The following CCDC102B variants were observed in gnomAD, a reference collection of about 807,000 sequenced individuals.
The protein encoded by CCDC102B is coiled-coil domain-containing protein 102B.
In CCDC102B, 75 loss-of-function variants were observed where a neutral mutation model predicts 57.4. That is an observed-to-expected ratio of 1.31 (90% confidence interval 1.08 to 1.58). The LOEUF (loss-of-function observed/expected upper bound fraction) is 1.58. Among genes scored for constraint, CCDC102B ranks in the 40% most tolerant of loss-of-function variants. The pLI is 0.00. For synonymous variants in CCDC102B, 206 were observed against 201.9 expected (o/e 1.02, Z -0.17); for missense variants, 636 against 582.6 (o/e 1.09, Z -0.94).
chr18:68,795,510 C>A (rs531232001), upstream of CCDC102B, among the ~76,000 whole-genome samples: 75 of 152,182 alleles, frequency 4.9e-4, no homozygotes, highest in Middle Eastern at 3.4e-3. Flanking sequence ...CTTTTGAAAG[C>A]CCTAGGGAAG....
chr18:68,723,170 A>T (rs748369990), intron 2 of CCDC102B, among the ~76,000 whole-genome samples: 16 of 152,074 alleles, frequency 1.1e-4, no homozygotes, highest in Non-Finnish European at 2.4e-4. Context: ...ATCTTGTGGG[A>T]ACTCAGTATC....
intron 7 of CCDC102B, among the ~76,000 whole-genome samples, chr18:69,044,520 G>C (rs2052510668): frequency 6.6e-6 from 1 of 152,138 alleles, no homozygotes; most frequent in South Asian, 2.1e-4. Context: ...TATTTGAAAT[G>C]AATAACTCTG....
intron 2 of CCDC102B, among the ~76,000 whole-genome samples, chr18:68,765,996 A>C (rs1451690840): frequency 6.6e-6 from 1 of 152,164 alleles, no homozygotes; most frequent in Non-Finnish European, 1.5e-5. Context: ...AATCCAATTG[A>C]ACAAAATTTT....
At chr18:68,776,042 T>C (rs2034804476) in intron 2 of CCDC102B, among the ~76,000 whole-genome samples, 1 of 152,234 alleles carries the variant, frequency 6.6e-6, no homozygotes, top group South Asian at 2.1e-4. Context: ...CTCTGTTCTC[T>C]GTGTCCATTT....
chr18:68,881,508 G>A (rs1030042374), intron 5 of CCDC102B, among the ~76,000 whole-genome samples: 1 of 152,134 alleles, frequency 6.6e-6, no homozygotes, highest in Non-Finnish European at 1.5e-5. Context: ...GATGTTTCAG[G>A]ATGCAATTAA....
intron 1 of CCDC102B, among the ~76,000 whole-genome samples, chr18:68,800,948 T>A (rs1639935759): frequency 6.6e-6 from 1 of 152,120 alleles, no homozygotes; most frequent in Non-Finnish European, 1.5e-5. Flanking sequence ...TGGGATAACA[T>A]TCATTTTCTT....
chr18:68,997,255 C>G (rs1807509652), intron 6 of CCDC102B, among the ~76,000 whole-genome samples: 2 of 152,158 alleles, frequency 1.3e-5, no homozygotes, highest in Non-Finnish European at 2.9e-5. Context: ...CACACCCACA[C>G]ATACATTTTA....
At chr18:68,761,941 T>C (rs1291898893) in intron 2 of CCDC102B, among the ~76,000 whole-genome samples, 1 of 152,158 alleles carries the variant, frequency 6.6e-6, no homozygotes, top group African/African-American at 2.4e-5. Context: ...TTTCTCTTCT[T>C]CATTTTAAAA....
At chr18:69,002,296 A>G (rs1049244733) in intron 6 of CCDC102B, among the ~76,000 whole-genome samples, 1 of 152,186 alleles carries the variant, frequency 6.6e-6, no homozygotes, top group Non-Finnish European at 1.5e-5. Context: ...TTTTGATACA[A>G]TTGTAGAGGC....
At chr18:68,777,333 G>T (rs771175888) in intron 2 of CCDC102B, among the ~76,000 whole-genome samples, 2 of 152,164 alleles carry the variant, frequency 1.3e-5, no homozygotes, top group Admixed American at 6.5e-5. Context: ...ATGAGGGTCT[G>T]TGCTGTTGGA....
intron 2 of CCDC102B, among the ~76,000 whole-genome samples, chr18:68,778,737 C>G (rs1175853739): frequency 6.6e-6 from 1 of 151,816 alleles, no homozygotes; most frequent in Non-Finnish European, 1.5e-5. Flanking sequence ...GTGCTGGGAA[C>G]TGGGGATAAA....
chr18:69,023,660 A>G (rs1437067853), intron 7 of CCDC102B, among the ~76,000 whole-genome samples: 1 of 151,996 alleles, frequency 6.6e-6, no homozygotes, highest in African/African-American at 2.4e-5. Context: ...TAAGTAAATG[A>G]CATGACCATA....
chr18:68,775,920 G>A (rs750161849), intron 2 of CCDC102B, among the ~76,000 whole-genome samples: 1 of 152,196 alleles, frequency 6.6e-6, no homozygotes, highest in Non-Finnish European at 1.5e-5. Context: ...CCCAAGTGCT[G>A]GGATTACAGG....
In CCDC102B at chr18:68,836,930, A is replaced by G; in HGVS notation, c.167A>G (p.Asn56Ser). The G allele has an allele frequency of 6.2e-7, 1 of 1,614,066 alleles. No homozygotes were observed. Among genetic ancestry groups the G allele is most frequent in the South Asian group, 1.1e-5 (1 of 91,076 alleles). Residue 56 changes from asparagine (N) to serine (S), a missense_variant, in exon 2 of 8, where the codon AAT (asparagine) becomes AGT (serine). By Grantham distance (46) the Asn-to-Ser change is conservative. Coordinates refer to ENST00000360242, the MANE Select transcript of CCDC102B (RefSeq NM_024781.3). The part of the protein sequence containing the change: ...LHGLQSHAAH[N>S]FCAHSYNTNK... Reference sequence around the variant, plus strand: ...GGGCTACAATCTCATGCTGCTCACAATTTCTGTGCTCACTCATATAACACC... The same window carrying G: ...GGGCTACAATCTCATGCTGCTCACAGTTTCTGTGCTCACTCATATAACACC...
intron 4 of CCDC102B, among the ~76,000 whole-genome samples, chr18:68,853,430 G>GA (rs2038223316): frequency 6.6e-6 from 1 of 151,700 alleles, no homozygotes; most frequent in South Asian, 2.1e-4. Flanking sequence ...TGCTATCTAT[G>GA]AAAAATGATA....
At chr18:68,884,833 T>C (rs1164069473) in intron 5 of CCDC102B, among the ~76,000 whole-genome samples, 4 of 151,118 alleles carry the variant, frequency 2.6e-5, no homozygotes, top group African/African-American at 7.3e-5. Flanking sequence ...GTACTGTATA[T>C]GAGATTCATG....
At chr18:68,989,321 T>C (rs1243971037) in intron 6 of CCDC102B, among the ~76,000 whole-genome samples, 1 of 152,214 alleles carries the variant, frequency 6.6e-6, no homozygotes, top group African/African-American at 2.4e-5. Flanking sequence ...AAATGAAGAT[T>C]AACATACCAA....
intron 3 of CCDC102B, 152 bp downstream of exon 3, chr18:68,839,078 A>G: frequency 7.4e-6 from 5 of 672,012 alleles, no homozygotes; most frequent in Non-Finnish European, 1.3e-5. Flanking sequence ...ATATATATTC[A>G]TATGTTGAAT....
intron 2 of CCDC102B, among the ~76,000 whole-genome samples, chr18:68,750,664 T>G (rs1236201864): frequency 6.6e-6 from 1 of 151,898 alleles, no homozygotes; most frequent in African/African-American, 2.4e-5. Flanking sequence ...TGGATGAAGC[T>G]AGAAACCATC....
Sources: gnomAD v4.1 joint callset for allele counts (sites outside exome capture counted in the v4.1 genomes callset) on GRCh38, gnomAD v4.1.1 for gene constraint, MANE v1.5 for transcripts, NCBI Gene and HGNC (gene_info 2026-07-23, HGNC 2026-07-21) for gene names.